The following STIM1 variants were observed in gnomAD, a reference collection of about 807,000 sequenced individuals.
STIM1 encodes the protein stromal interaction molecule 1.
STIM1 carries 25 observed loss-of-function variants against 74.7 expected under a neutral mutation model. The observed-to-expected ratio is 0.33, with a 90% CI of 0.24 to 0.47. The LOEUF (loss-of-function observed/expected upper bound fraction) is 0.47, where lower values mean the gene tolerates loss of function less well. STIM1 is among the 20% of genes least tolerant of loss of function. The pLI, the probability that STIM1 is intolerant of heterozygous loss-of-function variation, is 1.00. For missense variants in STIM1, 728 were observed against 920.8 expected (o/e 0.79, Z 2.71); for synonymous variants, 328 against 348.8 (o/e 0.94, Z 0.66).
chr11:3,980,573 A>G (rs1036801394), intron 2 of STIM1, among the ~76,000 whole-genome samples: 7 of 149,354 alleles, frequency 4.7e-5, no homozygotes, highest in African/African-American at 1.7e-4. Flanking sequence ...CAGGAGTTCT[A>G]GACCAGGCTG....
At chr11:3,897,501 T>C (rs929318829) in intron 1 of STIM1, among the ~76,000 whole-genome samples, 4 of 152,132 alleles carry the variant, frequency 2.6e-5, no homozygotes, top group African/African-American at 9.7e-5. Context: ...TGTTTGTTTG[T>C]TTTTATTTTT....
intron 2 of STIM1, among the ~76,000 whole-genome samples, chr11:3,995,189 C>CT (rs970516391): frequency 2.0e-5 from 3 of 151,744 alleles, no homozygotes; most frequent in Non-Finnish European, 4.4e-5. Flanking sequence ...CTGTTGCCTA[C>CT]TTTTTTTCTG....
upstream of STIM1, chr11:3,854,825 C>G (rs910611422): frequency 6.6e-6 from 1 of 152,372 alleles, no homozygotes; most frequent in Non-Finnish European, 1.5e-5. Context: ...AGATGGCACC[C>G]TTTAGCCCAG....
At chr11:3,946,609 G>A (rs1243194417) in intron 1 of STIM1, among the ~76,000 whole-genome samples, 1 of 152,166 alleles carries the variant, frequency 6.6e-6, no homozygotes, top group Non-Finnish European at 1.5e-5. Flanking sequence ...AGTTTTCCAA[G>A]TGTCTTAAGC....
intron 5 of STIM1, among the ~76,000 whole-genome samples, chr11:4,060,474 T>C (rs951352738): frequency 2.0e-5 from 3 of 152,240 alleles, no homozygotes; most frequent in Non-Finnish European, 4.4e-5. Flanking sequence ...CCATACTTTT[T>C]GAAAGTATGA....
At position 3,916,512 on chromosome 11, in the gene STIM1, G is replaced by A. The variant is rs144385227; in HGVS notation, c.140-51040G>A. ...GTCCCCCAGGGTGGAGTGTAAATGG[G>A]GTGATCTCGGCTCACTGCAACCTCT... On this transcript the variant is annotated intron_variant, in intron 1 of 12. Coordinates refer to ENST00000526596, the MANE Select transcript of STIM1 (RefSeq NM_001382567.1). Among the ~76,000 whole-genome samples, 1,340 of 151,378 alleles carry A rather than the reference G, an allele frequency of 8.9e-3. 22 individuals are homozygous for A. Among genetic ancestry groups the A allele is most frequent in the African/African-American group, 0.031 (1,265 of 41,174 alleles).
At chr11:4,035,967 G>C (rs1050581949) in intron 3 of STIM1, among the ~76,000 whole-genome samples, 2 of 151,582 alleles carry the variant, frequency 1.3e-5, no homozygotes, top group African/African-American at 4.9e-5. Flanking sequence ...CCGTCACCTA[G>C]GTGTTTAGCC....
chr11:3,979,661 A>C (rs1184076503), intron 2 of STIM1, among the ~76,000 whole-genome samples: 1 of 151,934 alleles, frequency 6.6e-6, no homozygotes, highest in Non-Finnish European at 1.5e-5. Flanking sequence ...TCTGGTATTG[A>C]ACTCCTGGTC....
chr11:3,918,944 C>T (rs558733040), intron 1 of STIM1, among the ~76,000 whole-genome samples: 1 of 152,220 alleles, frequency 6.6e-6, no homozygotes, highest in African/African-American at 2.4e-5. Context: ...TAGAATTCTA[C>T]TTGAAGTAGA....
At chr11:3,914,240 G>A (rs986493660) in intron 1 of STIM1, among the ~76,000 whole-genome samples, 2 of 151,568 alleles carry the variant, frequency 1.3e-5, no homozygotes, top group Non-Finnish European at 2.9e-5. Flanking sequence ...GTCTTTTTAC[G>A]TCTTGCTTAT....
intron 2 of STIM1, among the ~76,000 whole-genome samples, chr11:4,018,178 G>A (rs983529261): frequency 8.6e-5 from 13 of 151,530 alleles, no homozygotes; most frequent in South Asian, 2.1e-4. Context: ...GGCTGGGCGC[G>A]GTGGCTCACG....
intron 12 of STIM1, among the ~76,000 whole-genome samples, chr11:4,089,864 G>A (rs1298921932): frequency 2.6e-5 from 4 of 152,060 alleles, no homozygotes; most frequent in Non-Finnish European, 5.9e-5. Context: ...TTTCCCTTAG[G>A]TCTCTCCTCT....
chr11:4,055,563 G>T lies in STIM1; in HGVS notation c.423G>T (p.Leu141=). The T allele has an allele frequency of 6.2e-7, 1 of 1,601,252 alleles. No individual in the cohort carries two copies. The highest frequency in any genetic ancestry group is 2.2e-5 in the East Asian group (1 of 44,666). ...CCGTGGATGAGGTGGTACAGTGGCTGATCACATATGTGGAGCTGCCTCAGT... is the reference window on the plus strand; with the variant it reads ...CCGTGGATGAGGTGGTACAGTGGCTTATCACATATGTGGAGCTGCCTCAGT... The part of the protein sequence containing the change: ...NWTVDEVVQW[L]ITYVELPQYE... The change falls in exon 4 of 13, where the codon CTG becomes CTT. Residue 141 remains leucine, a synonymous_variant. Transcript: ENST00000526596.
intron 1 of STIM1, among the ~76,000 whole-genome samples, chr11:3,861,515 G>T (rs745591245): frequency 6.6e-6 from 1 of 152,150 alleles, no homozygotes; most frequent in Non-Finnish European, 1.5e-5. Flanking sequence ...TTACAGGCGT[G>T]AGCCACCGCG....
At chr11:3,942,216 C>T (rs1382143360) in intron 1 of STIM1, among the ~76,000 whole-genome samples, 1 of 152,090 alleles carries the variant, frequency 6.6e-6, no homozygotes, top group Non-Finnish European at 1.5e-5. Context: ...AGTAGCCAAA[C>T]CAGGACTTCA....
chr11:4,088,578 T>C (rs2094506176), intron 12 of STIM1: 1 of 866,524 alleles, frequency 1.2e-6, no homozygotes, highest in South Asian at 1.4e-5. Context: ...TTGGGGACAC[T>C]AAGGGATGCT....
Position 4,091,395 on chromosome 11 carries a change from C to T in STIM1, c.1748C>T (p.Thr583Ile), listed in dbSNP as rs779827395. ...RAADEALNAM[T>I]SNGSHRLIEG... ...GCAGACGAGGCTCTCAATGCCATGA[C>T]TTCCAATGGCAGCCACCGGCTGATC... Residue 583 changes from threonine (T) to isoleucine (I), a missense_variant, in exon 13 of 13, where the codon ACT becomes ATT. Around this residue, in one of 5 missense-constraint regions of STIM1, gnomAD observed 352 missense variants for 370.1 expected, o/e 0.95. Transcript: ENST00000526596. 1 of 1,614,206 alleles carries T rather than the reference C, an allele frequency of 6.2e-7. No homozygotes were observed. Among genetic ancestry groups the T allele is most frequent in the Non-Finnish European group, 8.5e-7 (1 of 1,180,030 alleles).
At chr11:3,947,940 T>C (rs1319623543) in intron 1 of STIM1, among the ~76,000 whole-genome samples, 2 of 151,796 alleles carry the variant, frequency 1.3e-5, no homozygotes, top group African/African-American at 2.4e-5. Flanking sequence ...GTTCCTGACA[T>C]GTTCATCCTC....
intron 1 of STIM1, among the ~76,000 whole-genome samples, chr11:3,885,460 A>G (rs2091671665): frequency 6.6e-6 from 1 of 152,146 alleles, no homozygotes; most frequent in Admixed American, 6.5e-5. Flanking sequence ...GTTTGGGATT[A>G]CAGGCATGAC....
Sources: gnomAD v4.1 joint callset for allele counts (sites outside exome capture counted in the v4.1 genomes callset) on GRCh38, gnomAD v4.1.1 for gene constraint, gnomAD v4.1.1 regional missense constraint, MANE v1.5 for transcripts, NCBI Gene and HGNC (gene_info 2026-07-23, HGNC 2026-07-21) for gene names.